ZNF385D: variants seen among roughly 807,000 people sequenced by gnomAD.
ZNF385D encodes zinc finger protein 385D.
Under a neutral mutation model 35.8 loss-of-function variants are expected in ZNF385D, and 15 were observed. The ratio of observed to expected loss-of-function variants is 0.42; its 90% CI spans 0.28 to 0.64. The LOEUF (loss-of-function observed/expected upper bound fraction) is 0.64. ZNF385D is among the 30% of genes least tolerant of loss of function. The probability of loss-of-function intolerance (pLI) is 0.23; values close to 1 mark genes in which losing one functional copy is unlikely to be tolerated. For missense variants in ZNF385D, 474 were observed against 494.6 expected (o/e 0.96, Z 0.39); for synonymous variants, 212 against 186.8 (o/e 1.13, Z -1.10).
intron 3 of ZNF385D, among the ~76,000 whole-genome samples, chr3:22,147,157 C>A (rs1270218697): frequency 6.6e-6 from 1 of 152,128 alleles, no homozygotes; most frequent in East Asian, 1.9e-4. Flanking sequence ...AGGGATATAG[C>A]CATGGTGTTA....
chr3:21,615,817 T>TGTGTGTGTGTG (rs1559462215), intron 2 of ZNF385D, among the ~76,000 whole-genome samples: 2 of 150,432 alleles, frequency 1.3e-5, no homozygotes, highest in South Asian at 2.1e-4. Flanking sequence ...TGTGTGTGTG[T>TGTGTGTGTGTG]TTACTGGTTA....
chr3:21,598,098 C>T (rs552151484), intron 2 of ZNF385D, among the ~76,000 whole-genome samples: 33 of 152,186 alleles, frequency 2.2e-4, no homozygotes, highest in African/African-American at 6.5e-4. Flanking sequence ...AATTCATAAG[C>T]GGTTGAATCA....
chr3:21,486,327 C>A (rs1976417), intron 4 of ZNF385D, among the ~76,000 whole-genome samples: 67,930 of 147,116 alleles, frequency 0.46, 15,951 homozygotes, highest in East Asian at 0.6. Context: ...AGAAAAGGAG[C>A]CAAGTCTCAT....
intron 3 of ZNF385D, among the ~76,000 whole-genome samples, chr3:21,796,593 C>A (rs1211416009): frequency 2.0e-5 from 3 of 152,116 alleles, no homozygotes; most frequent in Admixed American, 2.0e-4. Context: ...ACCTTCAGAC[C>A]TTACACTTTC....
At chr3:21,868,255 T>A (rs1010446102) in intron 3 of ZNF385D, among the ~76,000 whole-genome samples, 2 of 152,052 alleles carry the variant, frequency 1.3e-5, no homozygotes, top group African/African-American at 4.8e-5. Flanking sequence ...CATATACAAA[T>A]GGCTATGGCT....
At chr3:21,688,961 G>C (rs529869068) in intron 1 of ZNF385D, among the ~76,000 whole-genome samples, 10 of 151,928 alleles carry the variant, frequency 6.6e-5, no homozygotes, top group African/African-American at 2.2e-4. Flanking sequence ...GAAGATTGCC[G>C]TCTAGTTAAA....
intron 2 of ZNF385D, among the ~76,000 whole-genome samples, chr3:22,344,187 T>TGTGTGTGTGTGTGTGTGTGC (rs1695551082): frequency 6.6e-6 from 1 of 151,472 alleles, no homozygotes; most frequent in South Asian, 2.1e-4. Flanking sequence ...GGTGTGTGTG[T>TGTGTGTGTGTGTGTGTGTGC]GTGTGTGTGT....
chr3:21,850,914 T>TA (rs939764377), intron 3 of ZNF385D, among the ~76,000 whole-genome samples: 18 of 151,558 alleles, frequency 1.2e-4, no homozygotes, highest in Admixed American at 7.9e-4. Flanking sequence ...TAAAGAAAAA[T>TA]AAAAAATTCC....
intron 3 of ZNF385D, among the ~76,000 whole-genome samples, chr3:21,518,599 A>G (rs1268598111): frequency 6.6e-6 from 1 of 152,098 alleles, no homozygotes; most frequent in Non-Finnish European, 1.5e-5. Context: ...TATCTAATCC[A>G]CTGTTTTATT....
intron 3 of ZNF385D, among the ~76,000 whole-genome samples, chr3:22,046,916 A>G (rs892558670): frequency 6.6e-6 from 1 of 152,158 alleles, no homozygotes; most frequent in Non-Finnish European, 1.5e-5. Flanking sequence ...ATACTATACT[A>G]TATAAGATTC....
chr3:21,845,327 G>A (rs1695939184), intron 3 of ZNF385D, among the ~76,000 whole-genome samples: 1 of 151,946 alleles, frequency 6.6e-6, no homozygotes, highest in African/African-American at 2.4e-5. Context: ...TAATAGCAAT[G>A]ATAATTTTGG....
intron 3 of ZNF385D, among the ~76,000 whole-genome samples, chr3:21,902,184 C>A (rs1699448159): frequency 6.6e-6 from 1 of 152,120 alleles, no homozygotes; most frequent in Non-Finnish European, 1.5e-5. Context: ...TAAATTTAAG[C>A]TTAAAACCTT....
At chr3:22,211,028 C>G (rs1238624479) in intron 2 of ZNF385D, among the ~76,000 whole-genome samples, 1 of 151,888 alleles carries the variant, frequency 6.6e-6, no homozygotes, top group Non-Finnish European at 1.5e-5. Context: ...GTTGTTCTCA[C>G]TTGCTTTTCC....
At chr3:22,213,319 A>T (rs1697647049) in intron 2 of ZNF385D, among the ~76,000 whole-genome samples, 1 of 152,056 alleles carries the variant, frequency 6.6e-6, no homozygotes, top group East Asian at 1.9e-4. Flanking sequence ...AACCATTTAA[A>T]ATGCTAAAAA....
At chr3:22,372,259 G>T (rs561322575) in intron 2 of ZNF385D, among the ~76,000 whole-genome samples, 2 of 152,220 alleles carry the variant, frequency 1.3e-5, no homozygotes, top group African/African-American at 4.8e-5. Flanking sequence ...TGGGGTGTGT[G>T]GACCGATAGT....
intron 2 of ZNF385D, among the ~76,000 whole-genome samples, chr3:21,604,071 T>C (rs1182271867): frequency 1.3e-5 from 2 of 152,212 alleles, no homozygotes; most frequent in African/African-American, 4.8e-5. Flanking sequence ...GAACTGCTGC[T>C]TTGGTAAGCC....
intron 3 of ZNF385D, among the ~76,000 whole-genome samples, chr3:21,816,502 A>G (rs1004226856): frequency 5.3e-5 from 8 of 152,184 alleles, no homozygotes; most frequent in Non-Finnish European, 1.0e-4. Context: ...CAAAATCAAT[A>G]TGCAAATATC....
At chr3:21,943,599 T>C (rs1171048827) in intron 3 of ZNF385D, among the ~76,000 whole-genome samples, 3 of 152,166 alleles carry the variant, frequency 2.0e-5, no homozygotes, top group Admixed American at 6.5e-5. Flanking sequence ...ACAAATTATA[T>C]ATACTACTTT....
chr3:22,123,582 G>A lies in ZNF385D; in HGVS notation c.325+45235C>T, dbSNP rs530073156. On this transcript the variant is annotated intron_variant, in intron 3 of 5. Coordinates refer to the ZNF385D transcript ENST00000494108. The stretch of plus-strand genomic sequence containing the variant: ...ACAAAAAATTATTGCTGACTGGGCC[G>A]GGCGCGGTGGCTGACGCCTTTAATC... Among the ~76,000 whole-genome samples the A allele has an allele frequency of 9.1e-4, 138 of 152,204 alleles. 1 individual carries two copies. The highest frequency in any genetic ancestry group is 1.6e-3 in the Non-Finnish European group (106 of 68,028).
Sources: allele counts gnomAD v4.1 joint callset (sites outside exome capture counted in the v4.1 genomes callset), GRCh38; gene constraint gnomAD v4.1.1; transcripts MANE v1.5; gene names NCBI Gene and HGNC (gene_info 2026-07-23, HGNC 2026-07-21).